GRK3: variants seen among roughly 807,000 people sequenced by gnomAD.
GRK3 encodes the protein adrenergic, beta, receptor kinase 2.
GRK3 carries 54 observed loss-of-function variants against 95.7 expected under a neutral mutation model. The observed-to-expected ratio is 0.56, with a 90% CI of 0.45 to 0.71. The LOEUF is 0.71. Ranked by LOEUF, GRK3 falls within the 30% of genes least tolerant of loss-of-function variation. The probability of loss-of-function intolerance (pLI) is 0.00; values close to 1 mark genes in which losing one functional copy is unlikely to be tolerated. For missense variants in GRK3, 649 were observed against 851.2 expected (o/e 0.76, Z 2.96); for synonymous variants, 281 against 290.8 (o/e 0.97, Z 0.34).
At chr22:25,568,258 G>A (rs1161749855) in intron 1 of GRK3, among the ~76,000 whole-genome samples, 1 of 152,044 alleles carries the variant, frequency 6.6e-6, no homozygotes, top group Non-Finnish European at 1.5e-5. Context: ...ATCATCTTAA[G>A]CCCTGGAGTG....
intron 13 of GRK3, among the ~76,000 whole-genome samples, chr22:25,702,079 T>G (rs930125861): frequency 1.1e-4 from 16 of 152,020 alleles, no homozygotes; most frequent in Admixed American, 9.2e-4. Flanking sequence ...CTAATTTACC[T>G]TGTTTTGATC....
intron 2 of GRK3, among the ~76,000 whole-genome samples, chr22:25,637,992 G>A (rs2084715269): frequency 1.3e-5 from 2 of 152,160 alleles, no homozygotes; most frequent in African/African-American, 2.4e-5. Context: ...CTGCTTACTC[G>A]CAGTTTACTG....
chr22:25,684,330 T>G (rs186021741), intron 9 of GRK3, among the ~76,000 whole-genome samples: 26 of 152,354 alleles, frequency 1.7e-4, no homozygotes, highest in African/African-American at 6.3e-4. Flanking sequence ...ATTGGAACTT[T>G]CCTTGACTGT....
At chr22:25,682,260 G>T (rs1487422385) in intron 9 of GRK3, among the ~76,000 whole-genome samples, 1 of 152,190 alleles carries the variant, frequency 6.6e-6, no homozygotes, top group Admixed American at 6.5e-5. Context: ...TGCAATGCGG[G>T]CTGGAGCAGA....
intron 18 of GRK3, among the ~76,000 whole-genome samples, chr22:25,716,969 G>C (rs1327437489): frequency 6.6e-6 from 1 of 152,178 alleles, no homozygotes; most frequent in Admixed American, 6.5e-5. Context: ...AGAATCGAAT[G>C]CTTGATCTGA....
At chr22:25,605,461 T>C (rs180699097) in intron 2 of GRK3, among the ~76,000 whole-genome samples, 49 of 152,300 alleles carry the variant, frequency 3.2e-4, no homozygotes, top group Non-Finnish European at 6.3e-4. Context: ...AAAAACAAAA[T>C]AAAACTCATG....
intron 1 of GRK3, among the ~76,000 whole-genome samples, chr22:25,567,953 T>C (rs1195347698): frequency 6.6e-6 from 1 of 152,182 alleles, no homozygotes; most frequent in African/African-American, 2.4e-5. Flanking sequence ...AAGAGGCAAA[T>C]ATTTTGTTAT....
intron 16 of GRK3, 49 bp from the exon 17 acceptor site, chr22:25,711,019 G>GGCCATAC: frequency 4.2e-6 from 5 of 1,176,564 alleles, no homozygotes; most frequent in Non-Finnish European, 3.8e-6. Context: ...GTTGGGACAG[G>GGCCATAC]GCCATACGAT....
chr22:25,587,760 A>G (rs1932363939), intron 1 of GRK3, among the ~76,000 whole-genome samples: 1 of 152,056 alleles, frequency 6.6e-6, no homozygotes, highest in Non-Finnish European at 1.5e-5. Context: ...CGTGGCAGTG[A>G]GTAAGTCTCA....
chr22:25,695,323 A>C, intron 13 of GRK3, 109 bp downstream of exon 13: 1 of 751,976 alleles, frequency 1.3e-6, no homozygotes. Flanking sequence ...TAAATCACAC[A>C]GTGATCTTTA....
At chr22:25,675,716 C>T (rs2085023176) in intron 8 of GRK3, among the ~76,000 whole-genome samples, 1 of 152,192 alleles carries the variant, frequency 6.6e-6, no homozygotes, top group South Asian at 2.1e-4. Flanking sequence ...GGATTGGGAG[C>T]TGATGGCTTT....
At chr22:25,686,980 TG>T (rs2085119811) in intron 10 of GRK3, among the ~76,000 whole-genome samples, 1 of 152,106 alleles carries the variant, frequency 6.6e-6, no homozygotes, top group South Asian at 2.1e-4. Context: ...CCACCACGCC[TG>T]GCTAATTTTT....
At chr22:25,653,373 C>T (rs2084848027) in intron 3 of GRK3, among the ~76,000 whole-genome samples, 1 of 152,182 alleles carries the variant, frequency 6.6e-6, no homozygotes, top group South Asian at 2.1e-4. Flanking sequence ...GGCATAACTA[C>T]ACTAGTATCA....
intron 13 of GRK3, among the ~76,000 whole-genome samples, chr22:25,699,382 TG>T (rs1283355783): frequency 1.3e-5 from 2 of 152,098 alleles, no homozygotes; most frequent in Non-Finnish European, 1.5e-5. Context: ...CTGACACTCC[TG>T]GGGCGCCTGT....
intron 1 of GRK3, among the ~76,000 whole-genome samples, chr22:25,589,202 C>T (rs1276030748): frequency 3.3e-5 from 5 of 152,106 alleles, no homozygotes; most frequent in Admixed American, 3.3e-4. Context: ...TTATTTTGGA[C>T]ATTAGAATAA....
chr22:25,598,410 C>T (rs1383431238), intron 1 of GRK3, among the ~76,000 whole-genome samples: 9 of 152,034 alleles, frequency 5.9e-5, no homozygotes, highest in African/African-American at 9.7e-5. Flanking sequence ...TGGTGGCTCA[C>T]GCCTGTATCC....
At chr22:25,684,054 A>C (rs1209011229) in intron 9 of GRK3, among the ~76,000 whole-genome samples, 1 of 152,250 alleles carries the variant, frequency 6.6e-6, no homozygotes, top group African/African-American at 2.4e-5. Context: ...GGCAGGGGTC[A>C]AGGTTCATAT....
At chr22:25,681,540 AAGGCC>A (rs1364522829) in intron 9 of GRK3, among the ~76,000 whole-genome samples, 1 of 151,976 alleles carries the variant, frequency 6.6e-6, no homozygotes, top group Non-Finnish European at 1.5e-5. Flanking sequence ...GAGAGACATG[AAGGCC>A]AGGCCAGACC....
chr22:25,643,766 T>C (rs549086557), intron 2 of GRK3, among the ~76,000 whole-genome samples: 6 of 152,200 alleles, frequency 3.9e-5, no homozygotes, highest in Non-Finnish European at 8.8e-5. Flanking sequence ...AATTAGTGTG[T>C]GGTAAATATT....
Sources: allele counts gnomAD v4.1 joint callset (sites outside exome capture counted in the v4.1 genomes callset), GRCh38; gene constraint gnomAD v4.1.1; transcripts MANE v1.5; gene names NCBI Gene and HGNC (gene_info 2026-07-23, HGNC 2026-07-21).